RMDN3: variants seen among roughly 807,000 people sequenced by gnomAD.
RMDN3 encodes regulator of microtubule dynamics 3.
RMDN3 carries 41 observed loss-of-function variants against 61.8 expected under a neutral mutation model. The observed-to-expected ratio is 0.66, with a 90% CI of 0.52 to 0.86. The LOEUF is 0.86. Ranked by LOEUF, RMDN3 falls within the 40% of genes least tolerant of loss-of-function variation. The pLI, the probability that RMDN3 is intolerant of heterozygous loss-of-function variation, is 0.00. For missense variants in RMDN3, 557 were observed against 585.3 expected (o/e 0.95, Z 0.50); for synonymous variants, 247 against 232.0 (o/e 1.06, Z -0.59).
chr15:40,749,930 C>T (rs1442717283), intron 4 of RMDN3, among the ~76,000 whole-genome samples: 6 of 152,188 alleles, frequency 3.9e-5, no homozygotes, highest in Admixed American at 6.5e-5. Context: ...CACCACTCCA[C>T]AGGTTTCTGG....
intron 5 of RMDN3, among the ~76,000 whole-genome samples, chr15:40,744,509 G>GC (rs1206963166): frequency 6.6e-6 from 1 of 151,458 alleles, no homozygotes; most frequent in Non-Finnish European, 1.5e-5. Flanking sequence ...CTGGGGGGGG[G>GC]GCATTTATAC....
In RMDN3 at chr15:40,737,090, G is replaced by C. The variant is rs534569476; in HGVS notation, c.1359+34C>G. ...CTGTCTCGAACTCCCGACTTCAGGT[G>C]ATCTGCCCAACAGGCAGTATTAAAA... is the stretch of plus-strand genomic sequence containing the variant. On this transcript the variant is annotated intron_variant, in intron 12 of 12. Coordinates refer to ENST00000338376, the MANE Select transcript of RMDN3 (RefSeq NM_018145.3). 4.5e-6 allele frequency: 7 copies of C among 1,555,692 alleles called. 1 individual carries two copies. The Admixed American group carries it at 5.0e-5, about 11-fold the overall frequency.
Position 40,754,589 on chromosome 15 carries a change from G to C in RMDN3, c.187+8C>G. 1 of 1,607,852 alleles carries C rather than the reference G, an allele frequency of 6.2e-7. No individual in the cohort carries two copies. The highest frequency in any genetic ancestry group is 8.5e-7 in the Non-Finnish European group (1 of 1,176,046). On this transcript the variant is annotated splice_region_variant and intron_variant, in intron 2 of 12. Transcript: ENST00000338376. ...CAGTGACCGCGGTCTCAGGAGACGGGCTCCTACCGTGGCGTCCGGGATCTG... is the reference window on the plus strand; with the variant it reads ...CAGTGACCGCGGTCTCAGGAGACGGCCTCCTACCGTGGCGTCCGGGATCTG...
At position 40,751,441 on chromosome 15, in the gene RMDN3, G is replaced by A; in HGVS notation, c.509C>T (p.Ala170Val). The A allele has an allele frequency of 3.7e-6, 6 of 1,614,220 alleles. No homozygotes were observed. The highest frequency in any genetic ancestry group is 4.2e-6 in the Non-Finnish European group (5 of 1,180,036). Residue 170 changes from alanine (A) to valine (V), a missense_variant, in exon 4 of 13, where the codon GCT becomes GTT. Coordinates refer to ENST00000338376, the MANE Select transcript of RMDN3 (RefSeq NM_018145.3). ...GACAACTCACCCCCCTTCACTCTCA[G>A]CATCTGTGAACGTGGCTCCCGAGGA... is the stretch of plus-strand genomic sequence containing the variant. ...TASSGATFTD[A>V]ESEGGYTTAN... is the part of the protein sequence containing the mutation.
In RMDN3 at chr15:40,752,167, G is replaced by A. The variant is rs750990559; in HGVS notation, c.199C>T (p.Arg67Trp). 1.9e-5 allele frequency: 31 copies of A among 1,613,486 alleles called. No homozygotes were observed. The highest frequency in any genetic ancestry group is 1.6e-4 in the Middle Eastern group (1 of 6,080). Reference protein sequence around the residue: ...SDPGRHVMLLRAVPGGAGDAS... With the variant: ...SDPGRHVMLLWAVPGGAGDAS... ...TCTCCAGCCCCACCTGGGACAGCCC[G>A]CAGGAGCATCACTGAAGGGGGAAAC... The change falls in exon 3 of 13, where the codon CGG (arginine) becomes TGG (tryptophan). Residue 67 changes from arginine to tryptophan, a missense_variant. Physicochemically the swap from Arg to Trp is moderately radical, Grantham distance 101 (BLOSUM62 -3). Coordinates refer to ENST00000338376, the MANE Select transcript of RMDN3 (RefSeq NM_018145.3).
At chr15:40,753,134 G>C (rs1192787442) in intron 2 of RMDN3, among the ~76,000 whole-genome samples, 3 of 152,106 alleles carry the variant, frequency 2.0e-5, no homozygotes, top group Non-Finnish European at 2.9e-5. Flanking sequence ...AATCTAAGCT[G>C]ATAGCTCTTT....
At chr15:40,740,336 G>A (rs1897230541) in intron 6 of RMDN3, 143 bp from the exon 7 acceptor site, 1 of 686,810 alleles carries the variant, frequency 1.5e-6, no homozygotes, top group Non-Finnish European at 2.6e-6. Context: ...AACTTGAGCA[G>A]AATGAAAGGC....
intron 10 of RMDN3, 98 bp downstream of exon 10, chr15:40,737,530 C>A: frequency 8.1e-7 from 1 of 1,238,028 alleles, no homozygotes; most frequent in Non-Finnish European, 1.2e-6. Context: ...AAATTGCCCC[C>A]GACTAGGAAA....
At position 40,740,143 on chromosome 15, in the gene RMDN3, A is replaced by C; in HGVS notation, c.961T>G (p.Cys321Gly). ...ALEKGDESAD[C>G]HLWYAVLCGQ... ...GCAGGGTGTTATTACCACAGGTGACAGTCAGCACTCTCATCCCCCTTCTCC... is the reference window on the plus strand; with the variant it reads ...GCAGGGTGTTATTACCACAGGTGACCGTCAGCACTCTCATCCCCCTTCTCC... Residue 321 changes from cysteine to glycine, a missense_variant, in exon 7 of 13, where the codon TGT becomes GGT. By Grantham distance (159) the Cys-to-Gly change is radical. Coordinates refer to ENST00000338376, the MANE Select transcript of RMDN3 (RefSeq NM_018145.3). 1 of 1,609,676 alleles carries C rather than the reference A, an allele frequency of 6.2e-7. No homozygotes were observed. Among genetic ancestry groups the C allele is most frequent in the Non-Finnish European group, 8.5e-7 (1 of 1,176,384 alleles).
chr15:40,749,200 G>A (rs981578025), intron 4 of RMDN3, among the ~76,000 whole-genome samples: 4 of 152,366 alleles, frequency 2.6e-5, no homozygotes, highest in African/African-American at 9.6e-5. Context: ...ACCGCGCCTG[G>A]CCTAGTACAA....
At chr15:40,751,964 G>A (rs1566811158) in intron 3 of RMDN3, 22 bp downstream of exon 3, 3 of 1,593,100 alleles carry the variant, frequency 1.9e-6, no homozygotes, top group East Asian at 4.5e-5. Flanking sequence ...GATAAAGCAG[G>A]AGAAGAAGCC....
rs761043769 is a variant in RMDN3 at position 40,752,158 on chromosome 15, G to A, written c.208C>T (p.Pro70Ser). 25 of 1,613,970 alleles carry A rather than the reference G, an allele frequency of 1.5e-5. No individual in the cohort carries two copies. Among genetic ancestry groups the A allele is most frequent in the Non-Finnish European group, 1.8e-5 (21 of 1,180,000 alleles). The change falls in exon 3 of 13, where the codon CCA (proline) becomes TCA (serine). Residue 70 changes from proline to serine, a missense_variant. Transcript: ENST00000338376. ...ACTGAGGCATCTCCAGCCCCACCTGGGACAGCCCGCAGGAGCATCACTGAA... is the reference window on the plus strand; with the variant it reads ...ACTGAGGCATCTCCAGCCCCACCTGAGACAGCCCGCAGGAGCATCACTGAA... ...GRHVMLLRAVPGGAGDASVLP... is the reference protein window; with the variant it reads ...GRHVMLLRAVSGGAGDASVLP...
rs372408285 is a variant in RMDN3 at position 40,754,591 on chromosome 15, T to C, written c.187+6A>G. The C allele has an allele frequency of 1.9e-6, 3 of 1,608,494 alleles. No homozygotes were observed. In the African/African-American group the frequency reaches 4.0e-5, roughly 21 times the overall value. On this transcript the variant is annotated splice_donor_region_variant and intron_variant, in intron 2 of 12. Coordinates refer to ENST00000338376, the MANE Select transcript of RMDN3 (RefSeq NM_018145.3). The stretch of plus-strand genomic sequence containing the variant: ...GTGACCGCGGTCTCAGGAGACGGGC[T>C]CCTACCGTGGCGTCCGGGATCTGAA...
At chr15:40,736,896 G>A (rs1209568876) in intron 12 of RMDN3, among the ~76,000 whole-genome samples, 2 of 151,960 alleles carry the variant, frequency 1.3e-5, no homozygotes, top group Admixed American at 1.3e-4. Flanking sequence ...TCTTGTTGCC[G>A]AGGCTGGAGT....
At chr15:40,753,404 C>T (rs757029479) in intron 2 of RMDN3, among the ~76,000 whole-genome samples, 1 of 151,972 alleles carries the variant, frequency 6.6e-6, no homozygotes, top group Non-Finnish European at 1.5e-5. Context: ...CCCAGCTACT[C>T]GGGAGGCTGA....
intron 4 of RMDN3, among the ~76,000 whole-genome samples, chr15:40,749,927 C>G (rs1026981649): frequency 2.6e-5 from 4 of 152,166 alleles, no homozygotes; most frequent in African/African-American, 9.7e-5. Flanking sequence ...CACCACCACT[C>G]CACAGGTTTC....
intron 10 of RMDN3, 28 bp from the exon 11 acceptor site, chr15:40,737,369 TA>T: frequency 6.2e-7 from 1 of 1,601,510 alleles, no homozygotes; most frequent in Non-Finnish European, 8.6e-7. Context: ...GATATTTCAG[TA>T]AGAGGTTCCT....
At chr15:40,748,749 A>T (rs2141920759) in intron 4 of RMDN3, among the ~76,000 whole-genome samples, 1 of 151,466 alleles carries the variant, frequency 6.6e-6, no homozygotes, top group South Asian at 2.1e-4. Flanking sequence ...ACAGGCATGC[A>T]CCACCACGCC....
At chr15:40,744,379 G>A in intron 5 of RMDN3, 1 of 490,776 alleles carries the variant, frequency 2.0e-6, no homozygotes, top group Non-Finnish European at 3.7e-6. Context: ...ACGGGGTGAG[G>A]GCATTCTGAC....
Sources: allele counts gnomAD v4.1 joint callset (sites outside exome capture counted in the v4.1 genomes callset), GRCh38; gene constraint gnomAD v4.1.1; transcripts MANE v1.5; gene names NCBI Gene and HGNC (gene_info 2026-07-23, HGNC 2026-07-21).